Variants in STIM1 observed in about 807,000 individuals in gnomAD.
The protein encoded by STIM1 is stromal interaction molecule 1.
A neutral mutation model predicts 74.7 loss-of-function variants in STIM1; 25 were observed. The ratio of observed to expected loss-of-function variants is 0.33; its 90% CI spans 0.24 to 0.47. STIM1 has a LOEUF of 0.47. Ranked by LOEUF, STIM1 falls within the 20% of genes least tolerant of loss-of-function variation. The probability of loss-of-function intolerance (pLI) is 1.00; values close to 1 mark genes in which losing one functional copy is unlikely to be tolerated. For synonymous variants in STIM1, 328 were observed against 348.8 expected, an observed-to-expected ratio of 0.94 and a Z score of 0.66; for missense variants, 728 against 920.8, an observed-to-expected ratio of 0.79 and a Z score of 2.71.
intron 2 of STIM1, among the ~76,000 whole-genome samples, chr11:4,017,402 C>T (rs2093908915): frequency 6.6e-6 from 1 of 152,164 alleles, no homozygotes. Context: ...TTTGTGGCAC[C>T]AGTAGGGTCT....
chr11:3,915,463 T>C (rs916142044), intron 1 of STIM1, among the ~76,000 whole-genome samples: 6 of 151,466 alleles, frequency 4.0e-5, no homozygotes, highest in Non-Finnish European at 5.9e-5. Flanking sequence ...AGTGGTGCCA[T>C]CTCGGCTCAC....
intron 1 of STIM1, chr11:3,867,196 A>G (rs2090892477): frequency 6.6e-6 from 1 of 152,210 alleles, no homozygotes; most frequent in Non-Finnish European, 1.5e-5. Flanking sequence ...CTGACCTAGT[A>G]CTTCATCCCT....
intron 1 of STIM1, among the ~76,000 whole-genome samples, chr11:3,874,382 A>G (rs570021443): frequency 3.7e-4 from 57 of 152,360 alleles, no homozygotes; most frequent in African/African-American, 1.2e-3. Flanking sequence ...TTGCCAGATC[A>G]GGGCTAGTGT....
chr11:4,015,498 T>C (rs1283171359), intron 2 of STIM1, among the ~76,000 whole-genome samples: 3 of 152,218 alleles, frequency 2.0e-5, no homozygotes, highest in African/African-American at 7.2e-5. Context: ...ATTTCCACCT[T>C]GGTGAATCTG....
chr11:3,898,036 G>C (rs911630459), intron 1 of STIM1, among the ~76,000 whole-genome samples: 1 of 152,192 alleles, frequency 6.6e-6, no homozygotes, highest in Non-Finnish European at 1.5e-5. Flanking sequence ...CCCAGTAATG[G>C]GATGGCTGGG....
chr11:3,860,699 T>A (rs2090561041), intron 1 of STIM1, among the ~76,000 whole-genome samples: 1 of 152,286 alleles, frequency 6.6e-6, no homozygotes, highest in African/African-American at 2.4e-5. Flanking sequence ...GAAACTGGCA[T>A]CCAGAGAGGC....
chr11:3,857,282 T>G (rs2090424162), intron 1 of STIM1, among the ~76,000 whole-genome samples: 1 of 151,796 alleles, frequency 6.6e-6, no homozygotes, highest in African/African-American at 2.4e-5. Context: ...GACAGGGTCT[T>G]GATCTGTCGT....
chr11:3,936,407 A>G (rs2092931678), intron 1 of STIM1, among the ~76,000 whole-genome samples: 1 of 152,176 alleles, frequency 6.6e-6, no homozygotes, highest in Non-Finnish European at 1.5e-5. Flanking sequence ...AGGCCCAGAG[A>G]TAGGCAGTGG....
At chr11:3,998,718 T>C (rs185966220) in intron 2 of STIM1, among the ~76,000 whole-genome samples, 1 of 152,172 alleles carries the variant, frequency 6.6e-6, no homozygotes, top group East Asian at 1.9e-4. Flanking sequence ...ACAAATAGGA[T>C]AGGGCAATGA....
At chr11:3,973,046 C>A in intron 2 of STIM1, 1 of 460,804 alleles carries the variant, frequency 2.2e-6, no homozygotes, top group Non-Finnish European at 4.3e-6. Flanking sequence ...TGAGAGCTGA[C>A]ACTCCTGCTG....
At chr11:4,088,710 C>A (rs1009975285) in intron 12 of STIM1, 43 of 1,535,740 alleles carry the variant, frequency 2.8e-5, no homozygotes, top group Non-Finnish European at 3.5e-5. Flanking sequence ...AGAGGATCAT[C>A]TCTAAAGGCA....
At chr11:3,953,383 AG>A (rs1458269732) in intron 1 of STIM1, among the ~76,000 whole-genome samples, 2 of 152,210 alleles carry the variant, frequency 1.3e-5, no homozygotes, top group Non-Finnish European at 2.9e-5. Flanking sequence ...TGTCATTAAT[AG>A]ACAAAAAACC....
At chr11:3,985,526 G>A (rs1049635593) in intron 2 of STIM1, among the ~76,000 whole-genome samples, 1 of 152,150 alleles carries the variant, frequency 6.6e-6, no homozygotes, top group Non-Finnish European at 1.5e-5. Flanking sequence ...GGGACAAAGG[G>A]TTTGGCCTGA....
intron 1 of STIM1, among the ~76,000 whole-genome samples, chr11:3,893,746 T>A (rs1565103818): frequency 6.6e-6 from 1 of 151,878 alleles, no homozygotes. Flanking sequence ...AACCTCTGCC[T>A]CCCGGGTTCA....
Position 4,004,630 on chromosome 11 carries a change from A to T in STIM1, c.271-19243A>T, listed in dbSNP as rs1411363574. On this transcript the variant is annotated intron_variant, in intron 2 of 12. Coordinates refer to ENST00000526596, the MANE Select transcript of STIM1 (RefSeq NM_001382567.1). ...AAACGTTAGACCTAAAACCATAAAA[A>T]CCCTAGAAGAAAACCTAGGCATTAC... Among the ~76,000 whole-genome samples, 31 of 151,246 alleles carry T rather than the reference A, an allele frequency of 2.0e-4. No individual in the cohort carries two copies. The South Asian group carries it at 6.5e-3, about 32-fold the overall frequency.
At chr11:3,955,920 A>T (rs537026210) in intron 1 of STIM1, among the ~76,000 whole-genome samples, 21 of 151,724 alleles carry the variant, frequency 1.4e-4, no homozygotes, top group South Asian at 6.2e-4. Flanking sequence ...TTAATTAAAA[A>T]TTTTTTTATT....
At chr11:4,006,219 C>A (rs1317457454) in intron 2 of STIM1, among the ~76,000 whole-genome samples, 2 of 152,126 alleles carry the variant, frequency 1.3e-5, no homozygotes, top group African/African-American at 4.8e-5. Flanking sequence ...AGCACCTCCC[C>A]CTTTGCTCTT....
At chr11:3,944,190 A>G (rs559806423) in intron 1 of STIM1, among the ~76,000 whole-genome samples, 22 of 152,374 alleles carry the variant, frequency 1.4e-4, no homozygotes, top group African/African-American at 5.3e-4. Flanking sequence ...TATGTCTTCT[A>G]TGCAGACGTG....
intron 1 of STIM1, among the ~76,000 whole-genome samples, chr11:3,893,779 C>T (rs2091970298): frequency 6.6e-6 from 1 of 152,100 alleles, no homozygotes; most frequent in Admixed American, 6.5e-5. Flanking sequence ...GCCTCAGCCT[C>T]CCAAGTAGCT....
Sources: allele counts gnomAD v4.1 joint callset (sites outside exome capture counted in the v4.1 genomes callset), GRCh38; gene constraint gnomAD v4.1.1; transcripts MANE v1.5; gene names NCBI Gene and HGNC (gene_info 2026-07-23, HGNC 2026-07-21).